Variants in ANO4 observed in about 807,000 individuals in gnomAD.
ANO4 encodes the protein anoctamin 4.
A neutral mutation model predicts 141.9 loss-of-function variants in ANO4; 69 were observed. The ratio of observed to expected loss-of-function variants is 0.49; its 90% confidence interval spans 0.40 to 0.59. ANO4 has a LOEUF of 0.59. Ranked by LOEUF, ANO4 falls within the 20% of genes least tolerant of loss-of-function variation. The probability of loss-of-function intolerance (pLI) is 0.00; values close to 1 mark genes in which losing one functional copy is unlikely to be tolerated. For synonymous variants in ANO4, 350 were observed against 394.3 expected, an observed-to-expected ratio of 0.89 and a Z score of 1.33; for missense variants, 894 against 1,162.2, an observed-to-expected ratio of 0.77 and a Z score of 3.36.
chr12:100,779,851 A>T (rs1219174837), intron 3 of ANO4, among the ~76,000 whole-genome samples: 1 of 152,166 alleles, frequency 6.6e-6, no homozygotes, highest in Admixed American at 6.5e-5. Context: ...GTCCCTTTAT[A>T]TCAGTGATCA....
intron 13 of ANO4, among the ~76,000 whole-genome samples, chr12:101,044,452 A>C (rs1439243682): frequency 6.6e-6 from 1 of 152,226 alleles, no homozygotes; most frequent in African/African-American, 2.4e-5. Context: ...GGTGGTGTCC[A>C]TAACACAAAA....
At chr12:101,064,661 ATT>A (rs1491426114) in intron 14 of ANO4, among the ~76,000 whole-genome samples, 2 of 90,172 alleles carry the variant, frequency 2.2e-5, no homozygotes, top group Non-Finnish European at 4.7e-5. Flanking sequence ...AACTTAAAGT[ATT>A]ATAATAATAA....
At chr12:100,796,882 G>C (rs1258490994) in intron 1 of ANO4, among the ~76,000 whole-genome samples, 1 of 151,866 alleles carries the variant, frequency 6.6e-6, no homozygotes, top group Non-Finnish European at 1.5e-5. Flanking sequence ...ATAGTGCCTG[G>C]TAACTCAACT....
chr12:100,755,491 C>T lies in ANO4; in HGVS notation c.358+15386C>T, dbSNP rs114290029. Among the ~76,000 whole-genome samples, 435 of 152,274 alleles carry T rather than the reference C, an allele frequency of 2.9e-3. 2 individuals are homozygous for T. The highest frequency in any genetic ancestry group is 9.3e-3 in the African/African-American group (385 of 41,548). On this transcript the variant is annotated intron_variant, in intron 3 of 29. Coordinates refer to the ANO4 transcript ENST00000644049. ...ATGTCTGATTTGAATTTGGATCCCT[C>T]TAGCCTTGTGTTTGATGCATAATAG...
intron 14 of ANO4, among the ~76,000 whole-genome samples, chr12:101,053,716 A>G (rs1375737202): frequency 1.3e-5 from 2 of 152,154 alleles, no homozygotes; most frequent in Non-Finnish European, 2.9e-5. Context: ...ATCTTAACTA[A>G]TTACATGTGC....
rs373057963 is a variant in ANO4 at position 100,901,721 on chromosome 12, C to T, written c.-65C>T. 6.9e-6 allele frequency: 10 copies of T among 1,450,810 alleles called. No homozygotes were observed. The highest frequency in any genetic ancestry group is 2.3e-5 in the East Asian group (1 of 44,070). The allele number at this position is 1,450,810 out of a possible 1,614,324, so 89.9% of individuals were successfully genotyped here. A position where few individuals can be genotyped will look rare whatever the true frequency, so the allele number is the denominator to read the frequency against. On this transcript the variant is annotated 5_prime_UTR_variant, in exon 2 of 28. Coordinates refer to ENST00000392977, the MANE Select transcript of ANO4 (RefSeq NM_001286615.2). Reference sequence around the variant, plus strand: ...CGGCGAAGTGTGGCAAGCCGCCCAGCGTCACGTCGTCGCCTGCCTGTGGTC... The same window carrying T: ...CGGCGAAGTGTGGCAAGCCGCCCAGTGTCACGTCGTCGCCTGCCTGTGGTC...
At position 101,116,711 on chromosome 12, in the gene ANO4, C is replaced by T. The variant is rs750329769; in HGVS notation, c.2483C>T (p.Ser828Phe). The T allele has an allele frequency of 1.2e-6, 2 of 1,614,048 alleles. No homozygotes were observed. The highest frequency in any genetic ancestry group is 1.7e-6 in the Non-Finnish European group (2 of 1,180,022). Residue 828 changes from serine to phenylalanine, a missense_variant, in exon 25 of 28, where the codon TCT becomes TTT. Physicochemically the swap from Ser to Phe is radical, Grantham distance 155. Transcript: ENST00000392977. Reference sequence around the variant, plus strand: ...GTTGGCTATGTGAATGCCAGCTTGTCTGTATTTCGAATTTCTGACTTTGAG... The same window carrying T: ...GTTGGCTATGTGAATGCCAGCTTGTTTGTATTTCGAATTTCTGACTTTGAG... ...CMVGYVNASL[S>F]VFRISDFENR...
At chr12:101,060,557 G>A (rs200852117) in intron 14 of ANO4, among the ~76,000 whole-genome samples, 3 of 152,122 alleles carry the variant, frequency 2.0e-5, no homozygotes, top group African/African-American at 7.2e-5. Flanking sequence ...ATGAATCTGG[G>A]TGCTCCTGTA....
intron 3 of ANO4, among the ~76,000 whole-genome samples, chr12:100,743,318 A>G (rs1398751491): frequency 6.6e-6 from 1 of 151,360 alleles, no homozygotes; most frequent in Non-Finnish European, 1.5e-5. Context: ...AATGCAGAAT[A>G]TATTATTAAA....
chr12:101,018,644 C>A (rs1226661303), intron 8 of ANO4, among the ~76,000 whole-genome samples: 1 of 152,132 alleles, frequency 6.6e-6, no homozygotes, highest in African/African-American at 2.4e-5. Flanking sequence ...AAACATTTAG[C>A]AAATTCCACA....
chr12:101,096,119 A>C (rs1282533706), intron 18 of ANO4, among the ~76,000 whole-genome samples: 1 of 152,170 alleles, frequency 6.6e-6, no homozygotes, highest in Non-Finnish European at 1.5e-5. Context: ...TAATATGAGA[A>C]CTAGAAGTTG....
chr12:100,938,945 A>G (rs1235749271), intron 3 of ANO4, among the ~76,000 whole-genome samples: 1 of 152,208 alleles, frequency 6.6e-6, no homozygotes, highest in African/African-American at 2.4e-5. Flanking sequence ...ATTTAATTTA[A>G]AAGTATAGGT....
chr12:101,088,890 A>G (rs200035843), intron 17 of ANO4, among the ~76,000 whole-genome samples: 80 of 143,372 alleles, frequency 5.6e-4, no homozygotes, highest in Non-Finnish European at 9.0e-4. Context: ...CCTGTAAAAA[A>G]TTAAAAAAAT....
intron 15 of ANO4, among the ~76,000 whole-genome samples, chr12:101,080,471 T>C (rs1416768065): frequency 6.6e-6 from 1 of 152,128 alleles, no homozygotes; most frequent in Non-Finnish European, 1.5e-5. Flanking sequence ...TTTCATGTTT[T>C]TATAAATATT....
Position 101,110,512 on chromosome 12 carries a change from T to C in ANO4, c.2258T>C (p.Val753Ala). The change falls in exon 23 of 28, where the codon GTC becomes GCC. Residue 753 changes from valine (V) to alanine (A), a missense_variant. Val to Ala is a moderately conservative substitution (Grantham distance 64). Around this residue, in one of 2 missense-constraint regions of ANO4, gnomAD observed 637 missense variants for 909.2 expected, o/e 0.70. Coordinates refer to ENST00000392977, the MANE Select transcript of ANO4 (RefSeq NM_001286615.2). ...ATTCGACTTGATGCTTACAAATTTG[T>C]CACACAGTGGAGGAGACCTTTAGCT... The part of the protein sequence containing the change: ...IEIRLDAYKF[V>A]TQWRRPLASR... 6.2e-7 allele frequency: 1 copy of C among 1,611,458 alleles called. No homozygotes were observed.
At chr12:100,951,956 C>A (rs533807079) in intron 5 of ANO4, among the ~76,000 whole-genome samples, 21 of 152,264 alleles carry the variant, frequency 1.4e-4, no homozygotes, top group Non-Finnish European at 2.5e-4. Flanking sequence ...GTAATGACAA[C>A]CAAATATATC....
In ANO4 at chr12:100,974,682, CCT is replaced by C; in HGVS notation, c.558-162_558-161del. 7.7e-6 allele frequency: 6 copies of C among 774,564 alleles called. No individual in the cohort carries two copies. The South Asian group carries it at 8.2e-5, about 11-fold the overall frequency. 48.0% of individuals were successfully genotyped at this position (774,564 alleles called of 1,614,324 possible). The stretch of plus-strand genomic sequence containing the variant: ...GATTTCATGACTCAAAAACGCATGC[CCT>C]GTGTTCCCACTGTATTTCTCACTGT... On this transcript the variant is annotated intron_variant, in intron 6 of 27. Coordinates refer to ENST00000392977, the MANE Select transcript of ANO4 (RefSeq NM_001286615.2).
At chr12:101,026,928 T>G (rs903595309) in intron 9 of ANO4, among the ~76,000 whole-genome samples, 1 of 152,044 alleles carries the variant, frequency 6.6e-6, no homozygotes, top group Non-Finnish European at 1.5e-5. Context: ...TTCAAGAGAA[T>G]GAAAAGAAGG....
intron 3 of ANO4, among the ~76,000 whole-genome samples, chr12:100,771,055 A>G (rs2033276804): frequency 6.6e-6 from 1 of 152,180 alleles, no homozygotes; most frequent in Non-Finnish European, 1.5e-5. Context: ...CACATTTTAG[A>G]GCCAAATCTA....
Sources: gnomAD v4.1 joint callset for allele counts (sites outside exome capture counted in the v4.1 genomes callset) on GRCh38, gnomAD v4.1.1 for gene constraint, gnomAD v4.1.1 regional missense constraint, MANE v1.5 for transcripts, NCBI Gene and HGNC (gene_info 2026-07-23, HGNC 2026-07-21) for gene names.